The following IKZF5 variants were observed in gnomAD, a reference collection of about 807,000 sequenced individuals.
The protein encoded by IKZF5 is IKAROS family zinc finger 5.
IKZF5 carries 4 observed loss-of-function variants against 30.7 expected under a neutral mutation model. The ratio of observed to expected loss-of-function variants is 0.13; its 90% CI spans 0.06 to 0.30. The LOEUF (loss-of-function observed/expected upper bound fraction) is 0.30. Ranked by LOEUF, IKZF5 falls within the 10% of genes least tolerant of loss-of-function variation. The pLI, the probability that IKZF5 is intolerant of heterozygous loss-of-function variation, is 1.00. For synonymous variants in IKZF5, 148 were observed against 179.6 expected (o/e 0.82, Z 1.41); for missense variants, 348 against 525.5 (o/e 0.66, Z 3.30).
chr10:122,996,734 C>T (rs1188360815), intron 3 of IKZF5, among the ~76,000 whole-genome samples: 3 of 151,992 alleles, frequency 2.0e-5, no homozygotes, highest in Non-Finnish European at 4.4e-5. Context: ...TACTTACACA[C>T]ACATTGTACT....
At chr10:122,998,181 TA>T (rs1849451455) in intron 3 of IKZF5, 1 of 201,948 alleles carries the variant, frequency 5.0e-6, no homozygotes, top group East Asian at 1.1e-4. Flanking sequence ...TAATGGTTTG[TA>T]TAGTGAAGCT....
intron 2 of IKZF5, among the ~76,000 whole-genome samples, chr10:123,005,445 T>G (rs1849745555): frequency 1.3e-5 from 2 of 152,238 alleles, no homozygotes; most frequent in Non-Finnish European, 2.9e-5. Flanking sequence ...AATTACTTAC[T>G]TAACACAAAA....
chr10:123,006,911 T>A (rs1849810900), intron 2 of IKZF5, 115 bp downstream of exon 2: 1 of 152,056 alleles, frequency 6.6e-6, no homozygotes, highest in South Asian at 2.1e-4. Context: ...CAAAAACTCT[T>A]GAAGGCAAAA....
In IKZF5 at chr10:122,994,798, G is replaced by A. The variant is rs1849300195; in HGVS notation, c.317-75C>T. ...GGAAAGTTTTGCTTGTCCATTCATT[G>A]GACAACTGGAAATTGATCAAAAAGA... On this transcript the variant is annotated intron_variant, in intron 4 of 4. Coordinates refer to ENST00000368886, the MANE Select transcript of IKZF5 (RefSeq NM_001372123.1). This position sits in a 1 kb window ranked among gnomAD's most constrained non-coding sequence, Gnocchi z 5.6. 16 of 1,156,704 alleles carry A rather than the reference G, an allele frequency of 1.4e-5. No homozygotes were observed. Among genetic ancestry groups the A allele is most frequent in the Non-Finnish European group, 2.0e-5 (16 of 813,526 alleles). The allele number at this position is 1,156,704 out of a possible 1,614,324, so 71.7% of individuals were successfully genotyped here. A position where few individuals can be genotyped will look rare whatever the true frequency, so the allele number is the denominator to read the frequency against.
intron 4 of IKZF5, among the ~76,000 whole-genome samples, chr10:122,995,586 T>G (rs930387428): frequency 6.6e-5 from 10 of 152,212 alleles, no homozygotes; most frequent in Admixed American, 3.3e-4. Flanking sequence ...ACAGCTAAAG[T>G]GAGATCTGGG....
chr10:123,002,143 G>C (rs1483161766), intron 2 of IKZF5, among the ~76,000 whole-genome samples: 1 of 152,150 alleles, frequency 6.6e-6, no homozygotes. Flanking sequence ...ACAGGTAACT[G>C]AATTCTCTTT....
chr10:122,995,595 G>T (rs9423244), intron 4 of IKZF5, among the ~76,000 whole-genome samples: 88,830 of 152,062 alleles, frequency 0.58, 27,207 homozygotes, highest in Non-Finnish European at 0.69. Context: ...GTGAGATCTG[G>T]GATTAGCAGT....
At chr10:123,001,010 TTTTC>T (rs1289512143) in intron 2 of IKZF5, among the ~76,000 whole-genome samples, 4 of 151,410 alleles carry the variant, frequency 2.6e-5, no homozygotes, top group African/African-American at 4.9e-5. Flanking sequence ...TCTTCTTTTC[TTTTC>T]TTTTTTTTTT....
chr10:123,001,867 A>AT (rs537108293), intron 2 of IKZF5, among the ~76,000 whole-genome samples: 3 of 152,240 alleles, frequency 2.0e-5, no homozygotes, highest in Non-Finnish European at 4.4e-5. Context: ...GCAAAAGCAG[A>AT]TTTTCCAATT....
Position 122,996,028 on chromosome 10 carries a change from T to A in IKZF5, c.282A>T (p.Thr94=). 1 of 1,614,104 alleles carries A rather than the reference T, an allele frequency of 6.2e-7. No individual in the cohort carries two copies. Among genetic ancestry groups the A allele is most frequent in the Non-Finnish European group, 8.5e-7 (1 of 1,180,028 alleles). The change falls in exon 4 of 5, where the codon ACA becomes ACT. Residue 94 remains threonine (T), a synonymous_variant. Transcript: ENST00000368886. ...CRYCNYASKG[T]ARLIEHIRIH... ...TTCTGATGTGTTCAATAAGCCGGGCTGTTCCTTTGCTGGCATAGTTGCAGT... is the reference window on the plus strand; with the variant it reads ...TTCTGATGTGTTCAATAAGCCGGGCAGTTCCTTTGCTGGCATAGTTGCAGT...
In IKZF5 at chr10:122,991,210, C is replaced by A. The variant is rs1269768072; in HGVS notation, c.*2570G>T. ...CTAAAATGAAATAGCCCTGGAAACA[C>A]CCAGTGGAATTTTTTCAAAGTAAAT... On this transcript the variant is annotated 3_prime_UTR_variant, in exon 5 of 5. Transcript: ENST00000368886. 1 of 152,024 alleles carries A rather than the reference C, an allele frequency of 6.6e-6. No homozygotes were observed. Among genetic ancestry groups the A allele is most frequent in the Non-Finnish European group, 1.5e-5 (1 of 68,004 alleles). The allele number at this position is 152,024 out of a possible 1,614,324, so 9.4% of individuals were successfully genotyped here. A position where few individuals can be genotyped will look rare whatever the true frequency, so the allele number is the denominator to read the frequency against.
chr10:123,006,080 T>C (rs111254539), intron 2 of IKZF5, among the ~76,000 whole-genome samples: 4,710 of 152,264 alleles, frequency 0.031, 105 homozygotes, highest in African/African-American at 0.047. Flanking sequence ...GGCTAGGGTA[T>C]ACCTAAAGTA....
intron 4 of IKZF5, among the ~76,000 whole-genome samples, 175 bp downstream of exon 4, chr10:122,995,819 T>C (rs1023680298): frequency 1.3e-5 from 2 of 152,234 alleles, no homozygotes; most frequent in African/African-American, 2.4e-5. Context: ...TTCTGACCTG[T>C]TTGTATGTTG....
Position 122,995,988 on chromosome 10 carries a change from C to G in IKZF5, c.316+6G>C, listed in dbSNP as rs768331397. On this transcript the variant is annotated splice_donor_region_variant and intron_variant, in intron 4 of 4. Transcript: ENST00000368886. ...GAAATGCTTTTTCCAGCTGTCTTTC[C>G]ATTACCTGTGTGGATTCTGATGTGT... is the stretch of plus-strand genomic sequence containing the variant. 3 of 1,612,666 alleles carry G rather than the reference C, an allele frequency of 1.9e-6. No individual in the cohort carries two copies. The highest frequency in any genetic ancestry group is 2.5e-6 in the Non-Finnish European group (3 of 1,179,630).
chr10:123,003,005 A>G (rs538584251), intron 2 of IKZF5, among the ~76,000 whole-genome samples: 1 of 151,762 alleles, frequency 6.6e-6, no homozygotes, highest in East Asian at 1.9e-4. Flanking sequence ...GGTTGCATCT[A>G]TATTAAACAC....
intron 2 of IKZF5, among the ~76,000 whole-genome samples, chr10:123,003,744 G>A (rs978763300): frequency 1.3e-5 from 2 of 152,116 alleles, no homozygotes; most frequent in Non-Finnish European, 2.9e-5. Flanking sequence ...TCATCAACGT[G>A]GTTGAAAAAT....
chr10:122,994,638 T>G lies in IKZF5; in HGVS notation c.402A>C (p.Gly134=). Reference sequence around the variant, plus strand: ...ATAATTCACATTTGTATGGTTTTTCTCCAGTATGAGAACGCATATGGGCTT... The same window carrying G: ...ATAATTCACATTTGTATGGTTTTTCGCCAGTATGAGAACGCATATGGGCTT... ...HLEAHMRSHT[G]EKPYKCELCS... The change falls in exon 5 of 5, where the codon GGA becomes GGC. Residue 134 remains glycine (G), a synonymous_variant. Coordinates refer to ENST00000368886, the MANE Select transcript of IKZF5 (RefSeq NM_001372123.1). This position sits in a 1 kb window ranked among gnomAD's most constrained non-coding sequence, Gnocchi z 5.6. 6.2e-7 allele frequency: 1 copy of G among 1,614,196 alleles called. No individual in the cohort carries two copies. Among genetic ancestry groups the G allele is most frequent in the African/African-American group, 1.3e-5 (1 of 75,048 alleles).
chr10:122,996,568 G>A (rs572929375), intron 3 of IKZF5, among the ~76,000 whole-genome samples: 2 of 152,116 alleles, frequency 1.3e-5, no homozygotes, highest in South Asian at 4.1e-4. Flanking sequence ...GCTGGGCATG[G>A]TGGTGCACAC....
chr10:122,995,933 GCC>G, intron 4 of IKZF5, 59 bp downstream of exon 4: 17 of 1,500,878 alleles, frequency 1.1e-5, no homozygotes, highest in Non-Finnish European at 1.5e-5. Flanking sequence ...AAACCAACCT[GCC>G]CCCCTTGGCC....
Sources: allele counts gnomAD v4.1 joint callset (sites outside exome capture counted in the v4.1 genomes callset), GRCh38; gene constraint gnomAD v4.1.1; non-coding constraint Gnocchi (gnomAD v3.1); transcripts MANE v1.5; gene names NCBI Gene and HGNC (gene_info 2026-07-23, HGNC 2026-07-21).